WDR7: variants seen among roughly 807,000 people sequenced by gnomAD.
WDR7 encodes the protein WD repeat-containing protein 7.
In WDR7, 46 loss-of-function variants were observed where a neutral mutation model predicts 169.4. That is an observed-to-expected ratio of 0.27 (90% CI 0.21 to 0.35). The LOEUF (loss-of-function observed/expected upper bound fraction) is 0.35, where lower values mean the gene tolerates loss of function less well. Ranked by LOEUF, WDR7 falls within the 10% of genes least tolerant of loss-of-function variation. The probability of loss-of-function intolerance (pLI) is 1.00; values close to 1 mark genes in which losing one functional copy is unlikely to be tolerated. For missense variants in WDR7, 1,534 were observed against 1,859.3 expected, an observed-to-expected ratio of 0.83 and a Z score of 3.22; for synonymous variants, 612 against 666.8, an observed-to-expected ratio of 0.92 and a Z score of 1.27.
intron 21 of WDR7, among the ~76,000 whole-genome samples, chr18:56,884,859 C>G (rs1006055627): frequency 6.6e-6 from 1 of 152,222 alleles, no homozygotes; most frequent in African/African-American, 2.4e-5. Flanking sequence ...TGCAATAAAA[C>G]TACAACTAAG....
At chr18:57,010,326 A>T (rs2048119264) in intron 26 of WDR7, 2 of 975,832 alleles carry the variant, frequency 2.0e-6, no homozygotes, top group Admixed American at 6.2e-5. Flanking sequence ...TTGATAATTT[A>T]TTCACTATTC....
chr18:56,950,141 A>G (rs895200682), intron 25 of WDR7, among the ~76,000 whole-genome samples: 2 of 152,236 alleles, frequency 1.3e-5, no homozygotes, highest in Non-Finnish European at 2.9e-5. Flanking sequence ...GTTTTTCTCC[A>G]AGACAACCAT....
At chr18:56,799,137 G>A (rs780177395) in intron 19 of WDR7, among the ~76,000 whole-genome samples, 4 of 152,200 alleles carry the variant, frequency 2.6e-5, no homozygotes, top group Admixed American at 6.5e-5. Context: ...CTATTATAGA[G>A]ATGGTGAAGG....
chr18:56,846,972 C>T (rs979307710), intron 20 of WDR7, among the ~76,000 whole-genome samples: 2 of 152,088 alleles, frequency 1.3e-5, no homozygotes, highest in Non-Finnish European at 2.9e-5. Flanking sequence ...TTAAATATAC[C>T]TGAAGATGTG....
At chr18:56,917,802 A>G (rs1221835641) in intron 21 of WDR7, among the ~76,000 whole-genome samples, 1 of 152,206 alleles carries the variant, frequency 6.6e-6, no homozygotes, top group African/African-American at 2.4e-5. Flanking sequence ...CTGTTACAGC[A>G]AAGTGTAAAT....
At chr18:56,923,747 T>C (rs1265883934) in intron 21 of WDR7, among the ~76,000 whole-genome samples, 175 bp from the exon 22 acceptor site, 1 of 152,174 alleles carries the variant, frequency 6.6e-6, no homozygotes, top group African/African-American at 2.4e-5. Flanking sequence ...AACTTTTCTC[T>C]TCAAAGAATG....
intron 26 of WDR7, among the ~76,000 whole-genome samples, chr18:56,995,998 G>T (rs1471415281): frequency 6.6e-6 from 1 of 152,126 alleles, no homozygotes; most frequent in East Asian, 1.9e-4. Flanking sequence ...TTTTTTTCAG[G>T]CGTAATGATT....
chr18:56,992,164 A>G (rs1254674706), intron 26 of WDR7, among the ~76,000 whole-genome samples: 3 of 152,208 alleles, frequency 2.0e-5, no homozygotes, highest in Admixed American at 6.5e-5. Context: ...TCACTCCTTC[A>G]GCCTAAGAAT....
intron 26 of WDR7, among the ~76,000 whole-genome samples, chr18:57,004,141 T>C (rs1410026640): frequency 6.6e-6 from 1 of 152,046 alleles, no homozygotes; most frequent in Admixed American, 6.5e-5. Flanking sequence ...CCTGAGGTTA[T>C]GGGTGTAGGA....
At chr18:56,904,074 A>AT (rs11372701) in intron 21 of WDR7, among the ~76,000 whole-genome samples, 112,184 of 148,168 alleles carry the variant, frequency 0.76, 43,252 homozygotes, top group East Asian at 0.94. Flanking sequence ...GCTCAAAATA[A>AT]TTTTTTTTTT....
chr18:56,977,308 T>C (rs551558730), intron 26 of WDR7, among the ~76,000 whole-genome samples: 70 of 152,362 alleles, frequency 4.6e-4, no homozygotes, highest in African/African-American at 1.6e-3. Context: ...ATAGTAAAGT[T>C]ACTTTAAAAG....
chr18:56,908,531 A>G (rs934696512), intron 21 of WDR7, among the ~76,000 whole-genome samples: 3 of 152,214 alleles, frequency 2.0e-5, no homozygotes, highest in Non-Finnish European at 4.4e-5. Context: ...ATACATTATT[A>G]CTTTCAAACA....
chr18:56,821,041 A>G (rs2045086071), intron 20 of WDR7, among the ~76,000 whole-genome samples: 1 of 152,190 alleles, frequency 6.6e-6, no homozygotes, highest in South Asian at 2.1e-4. Context: ...CTCAGTAGTC[A>G]TCTACTCATT....
At chr18:56,838,849 G>A (rs2145316137) in intron 20 of WDR7, among the ~76,000 whole-genome samples, 1 of 152,184 alleles carries the variant, frequency 6.6e-6, no homozygotes, top group African/African-American at 2.4e-5. Context: ...TTAGCTTTAA[G>A]TTTTTTTATA....
intron 1 of WDR7, among the ~76,000 whole-genome samples, chr18:56,653,965 G>A (rs1271367110): frequency 6.6e-6 from 1 of 152,146 alleles, no homozygotes; most frequent in Non-Finnish European, 1.5e-5. Context: ...AGCAGCAATA[G>A]TCTATACACC....
intron 26 of WDR7, among the ~76,000 whole-genome samples, chr18:57,006,264 A>G (rs894220171): frequency 6.6e-6 from 1 of 152,162 alleles, no homozygotes; most frequent in Non-Finnish European, 1.5e-5. Context: ...AACAGAGAGC[A>G]TCACAGGATT....
chr18:56,820,350 A>AC (rs1200330837), intron 20 of WDR7, among the ~76,000 whole-genome samples: 4 of 145,322 alleles, frequency 2.8e-5, no homozygotes, highest in African/African-American at 1.0e-4. Flanking sequence ...AAAAAAAAAA[A>AC]AAAAAAAAAA....
At chr18:56,861,237 T>C (rs1209747870) in intron 20 of WDR7, among the ~76,000 whole-genome samples, 1 of 152,238 alleles carries the variant, frequency 6.6e-6, no homozygotes, top group African/African-American at 2.4e-5. Flanking sequence ...TAAACTGCCT[T>C]TTTTCATGCC....
At chr18:56,727,402 A>G (rs564834286) in intron 13 of WDR7, among the ~76,000 whole-genome samples, 7 of 152,236 alleles carry the variant, frequency 4.6e-5, no homozygotes, top group Admixed American at 1.3e-4. Context: ...ACTGTGAATA[A>G]ATACCTGAGA....
Sources: gnomAD v4.1 joint callset for allele counts (sites outside exome capture counted in the v4.1 genomes callset) on GRCh38, gnomAD v4.1.1 for gene constraint, MANE v1.5 for transcripts, NCBI Gene and HGNC (gene_info 2026-07-23, HGNC 2026-07-21) for gene names.